LRRTM4: variants seen among roughly 807,000 people sequenced by gnomAD.
The protein encoded by LRRTM4 is leucine rich repeat transmembrane neuronal 4.
In LRRTM4, 25 loss-of-function variants were observed where a neutral mutation model predicts 47.6. The ratio of observed to expected loss-of-function variants is 0.53; its 90% confidence interval spans 0.38 to 0.73. The LOEUF is 0.73. Ranked by LOEUF, LRRTM4 falls within the 30% of genes least tolerant of loss-of-function variation. The probability of loss-of-function intolerance (pLI) is 0.00; values close to 1 mark genes in which losing one functional copy is unlikely to be tolerated. For missense variants in LRRTM4, 638 were observed against 713.4 expected (o/e 0.89, Z 1.20); for synonymous variants, 311 against 269.5 (o/e 1.15, Z -1.51).
chr2:77,247,998 T>C (rs976415902), intron 3 of LRRTM4, among the ~76,000 whole-genome samples: 29 of 150,556 alleles, frequency 1.9e-4, no homozygotes, highest in Admixed American at 1.7e-3. Flanking sequence ...AATGTTTTCC[T>C]TTGTAAGCTG....
intron 3 of LRRTM4, among the ~76,000 whole-genome samples, chr2:76,879,477 AT>A (rs1672868466): frequency 6.6e-6 from 1 of 152,326 alleles, no homozygotes; most frequent in East Asian, 1.9e-4. Flanking sequence ...TTTCCTGAAT[AT>A]TTTAAGGCCA....
At chr2:76,903,404 C>T (rs1273650248) in intron 3 of LRRTM4, among the ~76,000 whole-genome samples, 6 of 151,636 alleles carry the variant, frequency 4.0e-5, no homozygotes, top group South Asian at 2.1e-4. Flanking sequence ...GGTGTGGTGG[C>T]GGGCGCCTGT....
chr2:76,890,079 A>G (rs552590509), intron 3 of LRRTM4, among the ~76,000 whole-genome samples: 2 of 152,056 alleles, frequency 1.3e-5, no homozygotes, highest in East Asian at 1.9e-4. Context: ...ATGAAAAGAA[A>G]TAACTGTAGC....
intron 3 of LRRTM4, among the ~76,000 whole-genome samples, chr2:77,329,535 T>C (rs1056693488): frequency 2.0e-5 from 3 of 152,048 alleles, no homozygotes; most frequent in Admixed American, 2.0e-4. Context: ...TGCTGAACAG[T>C]GCTAAATACT....
chr2:76,759,609 G>T (rs530556490), intron 3 of LRRTM4, among the ~76,000 whole-genome samples: 1 of 151,838 alleles, frequency 6.6e-6, no homozygotes, highest in African/African-American at 2.4e-5. Flanking sequence ...CATAAACAAT[G>T]TTTTTTTTCC....
intron 3 of LRRTM4, among the ~76,000 whole-genome samples, chr2:77,429,616 C>T (rs1054416014): frequency 2.6e-5 from 4 of 151,876 alleles, no homozygotes; most frequent in Admixed American, 2.6e-4. Flanking sequence ...AGAAAAATAC[C>T]ACATAGTTTC....
At chr2:76,967,352 A>G (rs977131080) in intron 3 of LRRTM4, among the ~76,000 whole-genome samples, 1 of 151,482 alleles carries the variant, frequency 6.6e-6, no homozygotes, top group African/African-American at 2.4e-5. Context: ...AGATACTAAC[A>G]ACACTATATA....
intron 3 of LRRTM4, among the ~76,000 whole-genome samples, chr2:77,349,756 A>G (rs1347605237): frequency 1.3e-5 from 2 of 152,188 alleles, no homozygotes; most frequent in South Asian, 4.1e-4. Context: ...ATAAGAATAC[A>G]CACAAATAAA....
chr2:76,751,113 G>A (rs145682209), intron 3 of LRRTM4, among the ~76,000 whole-genome samples: 125 of 152,274 alleles, frequency 8.2e-4, no homozygotes, highest in Non-Finnish European at 1.3e-3. Flanking sequence ...GGTAGACCAT[G>A]TTTTTGAAAA....
chr2:76,983,510 C>T (rs1208063025), intron 3 of LRRTM4, among the ~76,000 whole-genome samples: 3 of 152,036 alleles, frequency 2.0e-5, no homozygotes, highest in Non-Finnish European at 4.4e-5. Flanking sequence ...CCATGTAAGA[C>T]ATGCCTTTGC....
intron 3 of LRRTM4, among the ~76,000 whole-genome samples, chr2:76,909,078 A>C (rs554937089): frequency 5.3e-5 from 8 of 151,808 alleles, no homozygotes; most frequent in African/African-American, 1.7e-4. Context: ...GCATCACACT[A>C]CCTGACTTCA....
At chr2:77,024,433 T>A (rs902747903) in intron 3 of LRRTM4, among the ~76,000 whole-genome samples, 2 of 151,628 alleles carry the variant, frequency 1.3e-5, no homozygotes, top group Admixed American at 6.6e-5. Flanking sequence ...GTATTATGGC[T>A]GAATAATATT....
chr2:77,516,731 A>G, intron 3 of LRRTM4: 1 of 966,778 alleles, frequency 1.0e-6, no homozygotes, highest in African/African-American at 1.8e-5. Context: ...CCTTTTAGGA[A>G]TTTATTATCT....
chr2:77,453,282 C>T (rs769693747), intron 3 of LRRTM4, among the ~76,000 whole-genome samples: 14 of 149,082 alleles, frequency 9.4e-5, no homozygotes, highest in African/African-American at 1.7e-4. Flanking sequence ...CCTGGGTTCA[C>T]GCCATTCTCC....
chr2:76,971,207 T>A (rs1676208723), intron 3 of LRRTM4, among the ~76,000 whole-genome samples: 1 of 151,990 alleles, frequency 6.6e-6, no homozygotes, highest in Non-Finnish European at 1.5e-5. Flanking sequence ...GTTCTGAGGA[T>A]CATCTGTATC....
chr2:77,249,270 A>C (rs1675536718), intron 3 of LRRTM4, among the ~76,000 whole-genome samples: 1 of 152,032 alleles, frequency 6.6e-6, no homozygotes, highest in African/African-American at 2.4e-5. Flanking sequence ...GAATTGCTTG[A>C]ACCTGGGAGG....
chr2:76,984,730 C>T (rs1046154739), intron 3 of LRRTM4, among the ~76,000 whole-genome samples: 2 of 151,942 alleles, frequency 1.3e-5, no homozygotes. Context: ...CACTAAACTG[C>T]TATTTTCAAG....
intron 3 of LRRTM4, among the ~76,000 whole-genome samples, chr2:77,369,927 T>C (rs1558711611): frequency 6.6e-6 from 1 of 151,840 alleles, no homozygotes; most frequent in African/African-American, 2.4e-5. Flanking sequence ...ACCACCATTG[T>C]ATATGCAGTT....
intron 3 of LRRTM4, among the ~76,000 whole-genome samples, chr2:76,765,820 G>C (rs544341256): frequency 2.0e-5 from 3 of 152,212 alleles, no homozygotes; most frequent in Non-Finnish European, 4.4e-5. Context: ...CATCACCATG[G>C]CCTGGTAAGG....
Sources: gnomAD v4.1 joint callset for allele counts (sites outside exome capture counted in the v4.1 genomes callset) on GRCh38, gnomAD v4.1.1 for gene constraint, MANE v1.5 for transcripts, NCBI Gene and HGNC (gene_info 2026-07-23, HGNC 2026-07-21) for gene names.